The following CSMD3 variants were observed in gnomAD, a reference collection of about 807,000 sequenced individuals.
CSMD3 encodes CUB and sushi domain-containing protein 3.
CSMD3 carries 177 observed loss-of-function variants against 435.2 expected under a neutral mutation model. That is an observed-to-expected ratio of 0.41 (90% CI 0.36 to 0.46). The LOEUF (loss-of-function observed/expected upper bound fraction) is 0.46, where lower values mean the gene tolerates loss of function less well. Among genes scored for constraint, CSMD3 ranks in the 20% least tolerant of loss-of-function variants. The pLI is 0.34. For missense variants in CSMD3, 4,265 were observed against 4,504.6 expected (o/e 0.95, Z 1.52); for synonymous variants, 1,656 against 1,520.5 (o/e 1.09, Z -2.07).
chr8:112,966,493 T>A (rs1463459237), intron 7 of CSMD3, among the ~76,000 whole-genome samples: 1 of 151,480 alleles, frequency 6.6e-6, no homozygotes, highest in Non-Finnish European at 1.5e-5. Context: ...TTTAAAAATT[T>A]TTTTTTTTAC....
intron 2 of CSMD3, among the ~76,000 whole-genome samples, chr8:113,293,851 A>C (rs990688099): frequency 1.3e-5 from 2 of 152,142 alleles, no homozygotes; most frequent in African/African-American, 4.8e-5. Flanking sequence ...AATACATATA[A>C]GAAATAAAAT....
intron 1 of CSMD3, among the ~76,000 whole-genome samples, chr8:113,321,656 G>A (rs2093950192): frequency 6.6e-6 from 1 of 152,116 alleles, no homozygotes; most frequent in Non-Finnish European, 1.5e-5. Context: ...AATTCAGTAA[G>A]CACTTTTTGA....
intron 1 of CSMD3, among the ~76,000 whole-genome samples, chr8:113,410,591 G>T (rs530449465): frequency 5.1e-4 from 78 of 152,064 alleles, no homozygotes; most frequent in African/African-American, 1.7e-3. Flanking sequence ...TTTTAGAAAT[G>T]AGTGGTCCCC....
intron 4 of CSMD3, among the ~76,000 whole-genome samples, chr8:113,128,099 T>C (rs565679232): frequency 2.0e-5 from 3 of 152,258 alleles, no homozygotes; most frequent in Admixed American, 2.0e-4. Flanking sequence ...TCATTTCAGA[T>C]CTTTGTTTCT....
chr8:112,335,416 C>T lies in CSMD3; in HGVS notation c.7078G>A (p.Glu2360Lys), dbSNP rs1824463012. Residue 2360 changes from glutamate (E) to lysine (K), a missense_variant, in exon 45 of 71, where the codon GAA becomes AAA. Physicochemically the swap from Glu to Lys is moderately conservative, Grantham distance 56. Around this residue, in one of 3 missense-constraint regions of CSMD3, gnomAD observed 3,255 missense variants for 3,380.2 expected, o/e 0.96. Coordinates refer to ENST00000297405, the MANE Select transcript of CSMD3 (RefSeq NM_198123.2). ...IGQFSGNTAL[E>K]SVYSTSNQIL... ...TGATTTGAAGTACTGTAGACTGATTCCAAAGCGGTATTGCCACTGAACTGA... is the reference window on the plus strand; with the variant it reads ...TGATTTGAAGTACTGTAGACTGATTTCAAAGCGGTATTGCCACTGAACTGA... 1.2e-6 allele frequency: 2 copies of T among 1,613,786 alleles called. No individual in the cohort carries two copies. The highest frequency in any genetic ancestry group is 2.2e-5 in the East Asian group (1 of 44,854).
chr8:113,058,160 C>G (rs1031573347), intron 5 of CSMD3, among the ~76,000 whole-genome samples: 1 of 151,776 alleles, frequency 6.6e-6, no homozygotes, highest in Non-Finnish European at 1.5e-5. Flanking sequence ...TGGTACACAG[C>G]TTCTTTCAAA....
At chr8:112,946,981 T>G (rs2083631469) in intron 9 of CSMD3, among the ~76,000 whole-genome samples, 1 of 151,564 alleles carries the variant, frequency 6.6e-6, no homozygotes, top group Non-Finnish European at 1.5e-5. Context: ...TTTATATAAA[T>G]AAAATGAATA....
At chr8:113,176,634 G>A (rs566988858) in intron 3 of CSMD3, among the ~76,000 whole-genome samples, 14 of 152,092 alleles carry the variant, frequency 9.2e-5, no homozygotes, top group African/African-American at 3.1e-4. Context: ...GTTTCTGCCA[G>A]CCATCCAGAG....
intron 24 of CSMD3, among the ~76,000 whole-genome samples, chr8:112,558,081 CT>C (rs1828285726): frequency 6.6e-6 from 1 of 151,824 alleles, no homozygotes; most frequent in Admixed American, 6.6e-5. Context: ...AAGTATGGCA[CT>C]TTGGCATGCT....
intron 22 of CSMD3, among the ~76,000 whole-genome samples, chr8:112,597,742 T>A (rs889327321): frequency 7.4e-6 from 1 of 134,688 alleles, no homozygotes; most frequent in African/African-American, 2.9e-5. Context: ...TAATCCAGCA[T>A]ATAAACAGAG....
At chr8:112,947,118 T>C (rs2130794236) in intron 9 of CSMD3, among the ~76,000 whole-genome samples, 1 of 151,780 alleles carries the variant, frequency 6.6e-6, no homozygotes, top group Non-Finnish European at 1.5e-5. Context: ...TTATCTAATA[T>C]TTTGATAGGC....
chr8:113,295,912 C>G (rs200375464), intron 2 of CSMD3, among the ~76,000 whole-genome samples: 8 of 152,048 alleles, frequency 5.3e-5, no homozygotes, highest in East Asian at 3.9e-4. Flanking sequence ...GTCCAACAAT[C>G]ATAGACTGGA....
intron 6 of CSMD3, among the ~76,000 whole-genome samples, chr8:112,980,552 A>C (rs1442472656): frequency 6.6e-6 from 1 of 151,466 alleles, no homozygotes; most frequent in African/African-American, 2.4e-5. Flanking sequence ...ATAAAGTCTA[A>C]ATACTACGAC....
chr8:112,756,767 TA>T (rs1020194518), intron 13 of CSMD3, among the ~76,000 whole-genome samples: 9 of 139,314 alleles, frequency 6.5e-5, no homozygotes, highest in South Asian at 2.3e-4. Context: ...AATTATGTAT[TA>T]ATTTTTTTTT....
intron 13 of CSMD3, among the ~76,000 whole-genome samples, chr8:112,692,678 C>T (rs2076162478): frequency 6.6e-6 from 1 of 152,066 alleles, no homozygotes; most frequent in African/African-American, 2.4e-5. Context: ...ATACAACAAA[C>T]AGTTGATTGT....
intron 13 of CSMD3, among the ~76,000 whole-genome samples, chr8:112,743,901 T>C (rs2077370492): frequency 6.6e-6 from 1 of 151,954 alleles, no homozygotes; most frequent in African/African-American, 2.4e-5. Context: ...AAACATATGA[T>C]TAAACAAGAT....
chr8:112,409,239 T>C (rs764853129), intron 32 of CSMD3, among the ~76,000 whole-genome samples: 1 of 152,044 alleles, frequency 6.6e-6, no homozygotes, highest in Non-Finnish European at 1.5e-5. Context: ...GACCATGACC[T>C]AAAGCAATAA....
At chr8:113,279,335 A>G (rs941900168) in intron 2 of CSMD3, among the ~76,000 whole-genome samples, 3 of 150,654 alleles carry the variant, frequency 2.0e-5, no homozygotes, top group African/African-American at 7.3e-5. Flanking sequence ...TATCAATTAA[A>G]CACCCTGTTT....
chr8:112,732,931 C>T (rs2077107043), intron 13 of CSMD3, among the ~76,000 whole-genome samples: 1 of 152,026 alleles, frequency 6.6e-6, no homozygotes, highest in Admixed American at 6.6e-5. Context: ...TTACAACAGA[C>T]TAAATGCAAT....
Sources: gnomAD v4.1 joint callset for allele counts (sites outside exome capture counted in the v4.1 genomes callset) on GRCh38, gnomAD v4.1.1 for gene constraint, gnomAD v4.1.1 regional missense constraint, MANE v1.5 for transcripts, NCBI Gene and HGNC (gene_info 2026-07-23, HGNC 2026-07-21) for gene names.